The following FSTL4 variants were observed in gnomAD, a reference collection of about 807,000 sequenced individuals.
The protein encoded by FSTL4 is follistatin-related protein 4.
FSTL4 carries 28 observed loss-of-function variants against 78.2 expected under a neutral mutation model. The observed-to-expected ratio is 0.36, with a 90% CI of 0.27 to 0.49. FSTL4 has a LOEUF of 0.49. FSTL4 is among the 20% of genes least tolerant of loss of function. FSTL4 has a pLI of 0.98. For missense variants in FSTL4, 922 were observed against 1,084.9 expected, an observed-to-expected ratio of 0.85 and a Z score of 2.11; for synonymous variants, 422 against 440.5, an observed-to-expected ratio of 0.96 and a Z score of 0.53.
chr5:133,373,377 GT>G, intron 4 of FSTL4, among the ~76,000 whole-genome samples: 1 of 152,356 alleles, frequency 6.6e-6, no homozygotes, highest in East Asian at 1.9e-4. Flanking sequence ...GATTGGAAGA[GT>G]TTTTTCCGAG....
chr5:133,432,004 C>T (rs553802866), intron 3 of FSTL4, among the ~76,000 whole-genome samples: 2 of 152,142 alleles, frequency 1.3e-5, no homozygotes, highest in Non-Finnish European at 2.9e-5. Flanking sequence ...TCCCCATGAA[C>T]TGAGCCAAAC....
intron 1 of FSTL4, among the ~76,000 whole-genome samples, chr5:133,604,890 C>G (rs1174988986): frequency 3.9e-5 from 6 of 152,176 alleles, no homozygotes; most frequent in African/African-American, 1.4e-4. Context: ...TTTCAATAAC[C>G]TTTGAGGTGT....
intron 6 of FSTL4, among the ~76,000 whole-genome samples, chr5:133,251,824 G>A (rs1752251919): frequency 6.6e-6 from 1 of 152,216 alleles, no homozygotes; most frequent in Admixed American, 6.5e-5. Flanking sequence ...GGTCCAAAGG[G>A]AAGTGCTCCT....
the FSTL4 span, among the ~76,000 whole-genome samples, chr5:133,778,868 G>A: frequency 9.2e-5 from 14 of 152,158 alleles, no homozygotes; most frequent in African/African-American, 3.1e-4. Flanking sequence ...CTCTCACAAG[G>A]CCCAAGCTGG....
Position 133,225,623 on chromosome 5 carries a change from A to G in FSTL4, c.1177+35T>C, listed in dbSNP as rs1308086878. ...GAGTCTCAGCTTGATTTGAATGGGA[A>G]TATCGCATAGACGTCTACCAAGGGC... On this transcript the variant is annotated intron_variant, in intron 9 of 15. Coordinates refer to ENST00000265342, the MANE Select transcript of FSTL4 (RefSeq NM_015082.2). The surrounding 1 kb of genome is among the most constrained non-coding windows in gnomAD (Gnocchi z 4.6). The G allele has an allele frequency of 6.6e-7, 1 of 1,505,064 alleles. No individual in the cohort carries two copies. The highest frequency in any genetic ancestry group is 2.3e-5 in the East Asian group (1 of 43,936). 93.2% of individuals were successfully genotyped at this position (1,505,064 alleles called of 1,614,324 possible).
At chr5:133,349,015 C>A (rs561570644) in intron 4 of FSTL4, among the ~76,000 whole-genome samples, 13 of 152,336 alleles carry the variant, frequency 8.5e-5, no homozygotes, top group Admixed American at 6.5e-5. Context: ...AGAGTCCTGA[C>A]ACCAGGGCTT....
At chr5:133,228,828 A>G in intron 8 of FSTL4, among the ~76,000 whole-genome samples, 1 of 152,234 alleles carries the variant, frequency 6.6e-6, no homozygotes, top group Admixed American at 6.5e-5. Context: ...AATTTGGGAA[A>G]AAAGAAAAAG....
At chr5:133,644,534 G>A in the FSTL4 span, among the ~76,000 whole-genome samples, 1 of 152,062 alleles carries the variant, frequency 6.6e-6, no homozygotes, top group Non-Finnish European at 1.5e-5. Context: ...GTTGGGATGA[G>A]GATACAGGGA....
At position 133,199,429 on chromosome 5, in the gene FSTL4, G is replaced by A. The variant is rs551036078; in HGVS notation, c.2195C>T (p.Ser732Leu). 8 of 1,614,208 alleles carry A rather than the reference G, an allele frequency of 5.0e-6. No individual in the cohort carries two copies. Among genetic ancestry groups the A allele is most frequent in the Admixed American group, 3.3e-5 (2 of 60,028 alleles). ...CTGGAAGGCCAAGTCTGAGATGCCC[G>A]AGTTTATTTGCAGGTCATACAGGGT... ...IQTLYDLQIN[S>L]GISDLAFQRS... The change falls in exon 16 of 16, where the codon TCG becomes TTG. Residue 732 changes from serine (S) to leucine (L), a missense_variant. Coordinates refer to ENST00000265342, the MANE Select transcript of FSTL4 (RefSeq NM_015082.2). The surrounding 1 kb of genome is among the most constrained non-coding windows in gnomAD (Gnocchi z 4.4).
chr5:133,475,155 G>A (rs1001877064), intron 3 of FSTL4, among the ~76,000 whole-genome samples: 33 of 152,204 alleles, frequency 2.2e-4, no homozygotes, highest in Admixed American at 6.5e-4. Flanking sequence ...GTCTCAGTTA[G>A]GAACTAAAAC....
At chr5:133,224,304 C>A in intron 10 of FSTL4, 88 bp from the exon 11 acceptor site, 1 of 959,300 alleles carries the variant, frequency 1.0e-6, no homozygotes, top group Non-Finnish European at 1.7e-6. Context: ...TGCAGTGATT[C>A]CATTTATGAA....
intron 14 of FSTL4, among the ~76,000 whole-genome samples, chr5:133,203,136 G>C (rs1561615626): frequency 6.6e-6 from 1 of 152,250 alleles, no homozygotes; most frequent in Non-Finnish European, 1.5e-5. Context: ...CCGATGAGGG[G>C]CTTAGCCAAC....
chr5:133,601,517 A>G (rs1760868455), intron 2 of FSTL4, among the ~76,000 whole-genome samples: 1 of 152,168 alleles, frequency 6.6e-6, no homozygotes, highest in Non-Finnish European at 1.5e-5. Context: ...GCAAAGACAT[A>G]GAAAGGAGAG....
At position 133,603,951 on chromosome 5, in the gene FSTL4, T is replaced by G. The variant is rs141922505; in HGVS notation, c.33A>C (p.Thr11=). ...CAGCCGGCAGGGAGGCTCCGAGCAG[T>G]GTGAGATGCAGCCAAAAGCCTCCTG... MKPGGFWLHL[T]LLGASLPAAL... The change falls in exon 2 of 16, where the codon ACA becomes ACC. Residue 11 remains threonine, a synonymous_variant. Coordinates refer to ENST00000265342, the MANE Select transcript of FSTL4 (RefSeq NM_015082.2). The G allele has an allele frequency of 3.1e-6, 5 of 1,613,070 alleles. No individual in the cohort carries two copies. The Admixed American group carries it at 6.7e-5, about 22-fold the overall frequency.
At chr5:133,268,279 G>T (rs1439557768) in intron 6 of FSTL4, among the ~76,000 whole-genome samples, 2 of 152,156 alleles carry the variant, frequency 1.3e-5, no homozygotes, top group Non-Finnish European at 2.9e-5. Flanking sequence ...CAGGTCATCA[G>T]TTTACAGCAC....
chr5:133,258,956 C>G (rs1053889923), intron 6 of FSTL4, among the ~76,000 whole-genome samples: 5 of 152,108 alleles, frequency 3.3e-5, no homozygotes, highest in Non-Finnish European at 7.4e-5. Context: ...CCCAGAATAC[C>G]TTCTGTACAG....
the FSTL4 span, among the ~76,000 whole-genome samples, chr5:133,739,227 G>A: frequency 6.6e-6 from 1 of 151,796 alleles, no homozygotes; most frequent in Non-Finnish European, 1.5e-5. Context: ...AACTGCTGAT[G>A]ATCCAAAAAC....
intron 4 of FSTL4, among the ~76,000 whole-genome samples, chr5:133,390,310 C>G (rs143821252): frequency 6.6e-6 from 1 of 152,374 alleles, no homozygotes; most frequent in East Asian, 1.9e-4. Flanking sequence ...ACTCTGATTA[C>G]TTTCATTAAC....
chr5:133,514,178 C>CAATAAT (rs779619451), intron 3 of FSTL4, among the ~76,000 whole-genome samples: 9,195 of 130,932 alleles, frequency 0.07, 422 homozygotes, highest in Non-Finnish European at 0.1. Context: ...GACTCCGTCT[C>CAATAAT]AATGATAATA....
Sources: allele counts gnomAD v4.1 joint callset (sites outside exome capture counted in the v4.1 genomes callset), GRCh38; gene constraint gnomAD v4.1.1; non-coding constraint Gnocchi (gnomAD v3.1); transcripts MANE v1.5; gene names NCBI Gene and HGNC (gene_info 2026-07-23, HGNC 2026-07-21).